The following AKAP9 variants were observed in gnomAD, a reference collection of about 807,000 sequenced individuals.
AKAP9 encodes the protein A-kinase anchor protein 9.
Under a neutral mutation model 488.5 loss-of-function variants are expected in AKAP9, and 311 were observed. The observed-to-expected ratio is 0.64, with a 90% CI of 0.58 to 0.70. The LOEUF is 0.70. Among genes scored for constraint, AKAP9 ranks in the 30% least tolerant of loss-of-function variants. The pLI is 0.00. For missense variants in AKAP9, 4,215 were observed against 4,374.5 expected (o/e 0.96, Z 1.03); for synonymous variants, 1,462 against 1,483.5 (o/e 0.99, Z 0.33).
chr7:92,014,425 C>A, intron 10 of AKAP9, 97 bp downstream of exon 10: 2 of 861,772 alleles, frequency 2.3e-6, no homozygotes, highest in Non-Finnish European at 3.8e-6. Flanking sequence ...CACTTGAGTT[C>A]GAGACCAGCC....
Position 92,037,243 on chromosome 7 carries a change from A to G in AKAP9, c.4339-1176A>G, listed in dbSNP as rs191816607. On this transcript the variant is annotated intron_variant, in intron 16 of 49. Coordinates refer to ENST00000356239, the MANE Select transcript of AKAP9 (RefSeq NM_005751.5). Reference sequence around the variant, plus strand: ...TTAGAAAGTGAGCTTAGGCAAGATTATAGGATTTTGAACCCCAGCTTCAAT... The same window carrying G: ...TTAGAAAGTGAGCTTAGGCAAGATTGTAGGATTTTGAACCCCAGCTTCAAT... Among the ~76,000 whole-genome samples, 640 of 152,306 alleles carry G rather than the reference A, an allele frequency of 4.2e-3. 8 individuals carry two copies. Among genetic ancestry groups the G allele is most frequent in the Non-Finnish European group, 4.8e-3 (327 of 68,022 alleles).
chr7:92,086,413 ACAGG>A lies in AKAP9; in HGVS notation c.9211_9213+1del. 1.9e-6 allele frequency: 3 copies of A among 1,611,732 alleles called. No individual in the cohort carries two copies. The highest frequency in any genetic ancestry group is 2.5e-6 in the Non-Finnish European group (3 of 1,177,880). ...ACTGTTTGGAACAGAGAATACAAGA[ACAGG>A]TATAATGAAACTTCATTTTAAAAAC... is the stretch of plus-strand genomic sequence containing the variant. On this transcript the variant is annotated splice_donor_variant and coding_sequence_variant, in exon 37 of 50. Transcript: ENST00000356239. LOFTEE classifies it high-confidence loss of function.
chr7:91,956,431 G>A (rs1449509466), intron 1 of AKAP9, among the ~76,000 whole-genome samples: 1 of 150,304 alleles, frequency 6.7e-6, no homozygotes, highest in Admixed American at 6.6e-5. Context: ...GTAGAGATGG[G>A]ATTTCTAGCC....
intron 8 of AKAP9, among the ~76,000 whole-genome samples, chr7:92,007,416 A>G (rs1273871899): frequency 6.6e-6 from 1 of 151,150 alleles, no homozygotes; most frequent in Admixed American, 6.6e-5. Flanking sequence ...CATGCCTGGC[A>G]AATTTTTGTA....
At chr7:92,104,276 C>T (rs1442938742) in intron 46 of AKAP9, among the ~76,000 whole-genome samples, 10 of 151,288 alleles carry the variant, frequency 6.6e-5, no homozygotes, top group East Asian at 1.9e-4. Context: ...CTGCAAGCTC[C>T]GCCTCCCGGG....
intron 14 of AKAP9, among the ~76,000 whole-genome samples, chr7:92,025,050 A>G (rs2130737374): frequency 6.6e-6 from 1 of 152,362 alleles, no homozygotes; most frequent in East Asian, 1.9e-4. Flanking sequence ...AGTCATACTC[A>G]ATAGCTTTGA....
chr7:92,065,520 T>G, intron 25 of AKAP9, 57 bp downstream of exon 25: 3 of 1,219,030 alleles, frequency 2.5e-6, no homozygotes, highest in Non-Finnish European at 3.6e-6. Flanking sequence ...TTTGCTAGTA[T>G]ACTAGGCTAT....
In AKAP9 at chr7:92,002,392, T is replaced by G. The variant is rs200078353; in HGVS notation, c.2475T>G (p.Leu825=). The G allele has an allele frequency of 8.1e-5, 131 of 1,610,652 alleles. No homozygotes were observed. Among genetic ancestry groups the G allele is most frequent in the Middle Eastern group, 3.3e-4 (2 of 6,068 alleles). ...DSVWEKEIEI[L]IEENEDLKQQ... is the part of the protein sequence containing the mutation. ...TGTGGGAAAAAGAAATAGAAATACT[T>G]ATAGAGGAAAATGAGGACCTCAAAC... is the stretch of plus-strand genomic sequence containing the variant. Residue 825 remains leucine (L), a synonymous_variant, in exon 8 of 50, where the codon CTT becomes CTG. Coordinates refer to ENST00000356239, the MANE Select transcript of AKAP9 (RefSeq NM_005751.5).
chr7:92,026,546 G>A (rs1049930851), intron 14 of AKAP9, among the ~76,000 whole-genome samples: 23 of 152,154 alleles, frequency 1.5e-4, no homozygotes, highest in Non-Finnish European at 2.9e-4. Flanking sequence ...TGTTGGCTGG[G>A]CTGGTCTCCA....
chr7:92,102,858 G>A (rs746081653), intron 46 of AKAP9, 32 bp downstream of exon 46: 3 of 1,533,460 alleles, frequency 2.0e-6, no homozygotes, highest in Non-Finnish European at 1.8e-6. Context: ...CATTTTACTA[G>A]TAGACTCTCT....
intron 1 of AKAP9, among the ~76,000 whole-genome samples, chr7:91,961,424 C>T (rs376926981): frequency 2.6e-5 from 4 of 151,744 alleles, no homozygotes; most frequent in African/African-American, 9.7e-5. Context: ...GGGATCCACC[C>T]GCCTCAGCCT....
At chr7:92,064,621 A>G (rs1810462765) in intron 24 of AKAP9, among the ~76,000 whole-genome samples, 1 of 152,038 alleles carries the variant, frequency 6.6e-6, no homozygotes, top group African/African-American at 2.4e-5. Context: ...ACACCACACT[A>G]CCTCTCATAC....
intron 48 of AKAP9, chr7:92,108,054 C>G (rs1818816577): frequency 1.3e-5 from 3 of 222,310 alleles, no homozygotes; most frequent in Non-Finnish European, 2.7e-5. Flanking sequence ...TATACATAAC[C>G]TAAGGCTTAA....
Position 92,026,358 on chromosome 7 carries a change from A to G in AKAP9, c.4148+3349A>G, listed in dbSNP as rs148642082. Among the ~76,000 whole-genome samples the G allele has an allele frequency of 7.2e-3, 1,084 of 151,546 alleles. 45 individuals are homozygous for G. In the East Asian group the frequency reaches 0.13, roughly 18 times the overall value. The stretch of plus-strand genomic sequence containing the variant: ...TCTCTTCTCTCTTCTCTCTCTTTCC[A>G]CGGTCTCCCTCTGTTGCCGAGGCTG... On this transcript the variant is annotated intron_variant, in intron 14 of 49. Coordinates refer to ENST00000356239, the MANE Select transcript of AKAP9 (RefSeq NM_005751.5).
chr7:91,985,556 G>A (rs992526799), intron 3 of AKAP9, among the ~76,000 whole-genome samples: 1 of 152,118 alleles, frequency 6.6e-6, no homozygotes, highest in East Asian at 1.9e-4. Context: ...GTTAATCAGG[G>A]ATATTGGTCT....
At chr7:91,986,294 A>C (rs1035033542) in intron 3 of AKAP9, among the ~76,000 whole-genome samples, 2 of 152,182 alleles carry the variant, frequency 1.3e-5, no homozygotes, top group Non-Finnish European at 1.5e-5. Context: ...TTCCAGGTAC[A>C]GTCTGTCACA....
chr7:91,946,182 G>A (rs946012103), intron 1 of AKAP9, among the ~76,000 whole-genome samples: 1 of 152,120 alleles, frequency 6.6e-6, no homozygotes, highest in African/African-American at 2.4e-5. Flanking sequence ...GCTGGTTATG[G>A]TGTAAAACTG....
intron 46 of AKAP9, among the ~76,000 whole-genome samples, chr7:92,104,524 T>C (rs1022571038): frequency 3.3e-5 from 5 of 152,134 alleles, no homozygotes; most frequent in Admixed American, 2.6e-4. Context: ...AGTTTTTTAA[T>C]TGGAAGCTGT....
At chr7:91,945,025 A>C (rs191263640) in intron 1 of AKAP9, among the ~76,000 whole-genome samples, 2 of 152,278 alleles carry the variant, frequency 1.3e-5, no homozygotes, top group Admixed American at 6.5e-5. Flanking sequence ...GGAACCCAGA[A>C]CTGAGGTTGA....
Sources: allele counts gnomAD v4.1 joint callset (sites outside exome capture counted in the v4.1 genomes callset), GRCh38; gene constraint gnomAD v4.1.1; transcripts MANE v1.5; gene names NCBI Gene and HGNC (gene_info 2026-07-23, HGNC 2026-07-21).